PPP2R2B: variants seen among roughly 807,000 people sequenced by gnomAD.
PPP2R2B encodes the protein protein phosphatase 2 regulatory subunit Bbeta, also known as serine/threonine-protein phosphatase 2A 55 kDa regulatory subunit B beta isoform.
Under a neutral mutation model 46.0 loss-of-function variants are expected in PPP2R2B, and 5 were observed. The ratio of observed to expected loss-of-function variants is 0.11; its 90% CI spans 0.06 to 0.23. The LOEUF is 0.23. Ranked by LOEUF, PPP2R2B falls within the 10% of genes least tolerant of loss-of-function variation. The pLI is 1.00. For synonymous variants in PPP2R2B, 215 were observed against 206.7 expected (o/e 1.04, Z -0.34); for missense variants, 367 against 575.0 (o/e 0.64, Z 3.70).
At chr5:146,751,296 G>A (rs1753542898) in intron 2 of PPP2R2B, 1 of 152,228 alleles carries the variant, frequency 6.6e-6, no homozygotes, top group Non-Finnish European at 1.5e-5. Context: ...GCGGGGAAGA[G>A]GTCATAGAGT....
chr5:146,979,035 T>C (rs1049212565), intron 1 of PPP2R2B, among the ~76,000 whole-genome samples: 3 of 152,216 alleles, frequency 2.0e-5, no homozygotes, highest in Admixed American at 6.5e-5. Context: ...GAAAAGCTGA[T>C]GTATTTAAGA....
intron 2 of PPP2R2B, among the ~76,000 whole-genome samples, chr5:146,875,328 AT>A (rs1761834667): frequency 6.6e-6 from 1 of 152,188 alleles, no homozygotes; most frequent in Non-Finnish European, 1.5e-5. Flanking sequence ...CATGCTCAGA[AT>A]TAAAAAAAAG....
chr5:146,727,798 T>G (rs748321360), intron 2 of PPP2R2B, among the ~76,000 whole-genome samples: 3 of 152,160 alleles, frequency 2.0e-5, no homozygotes, highest in Admixed American at 2.0e-4. Context: ...TTCTTCTTCT[T>G]GTGTAATTGA....
At chr5:147,044,348 G>T (rs1580848894) in intron 1 of PPP2R2B, among the ~76,000 whole-genome samples, 2 of 152,134 alleles carry the variant, frequency 1.3e-5, no homozygotes, top group Non-Finnish European at 2.9e-5. Context: ...CAGGAATGTT[G>T]TGAGGGGGTT....
intron 5 of PPP2R2B, among the ~76,000 whole-genome samples, chr5:146,670,653 G>A (rs1025066591): frequency 1.3e-5 from 2 of 151,828 alleles, no homozygotes; most frequent in African/African-American, 4.8e-5. Flanking sequence ...GTGCCACCAG[G>A]CCTGGCTAAT....
rs1486842852 is a variant in PPP2R2B at position 146,588,155 on chromosome 5, C to T, written c.*1792G>A. On this transcript the variant is annotated 3_prime_UTR_variant, in exon 10 of 10. Coordinates refer to ENST00000394411, the MANE Select transcript of PPP2R2B (RefSeq NM_181675.4). ...TTTACTTGAGATGCCTAAGGCGAGG[C>T]TTTCCTTGCAGGAAAAATGAGAAAT... is the stretch of plus-strand genomic sequence containing the variant. The T allele has an allele frequency of 1.3e-5, 2 of 152,216 alleles. No homozygotes were observed. The highest frequency in any genetic ancestry group is 1.9e-4 in the East Asian group (1 of 5,200). 9.4% of individuals were successfully genotyped at this position (152,216 alleles called of 1,614,324 possible).
intron 2 of PPP2R2B, among the ~76,000 whole-genome samples, chr5:146,752,723 C>T (rs1012183604): frequency 3.9e-5 from 6 of 152,046 alleles, no homozygotes; most frequent in Admixed American, 3.9e-4. Context: ...TATTGATTAT[C>T]TGTGGCAGGC....
chr5:147,037,575 G>A (rs1756101547), intron 1 of PPP2R2B, among the ~76,000 whole-genome samples: 1 of 152,068 alleles, frequency 6.6e-6, no homozygotes, highest in Non-Finnish European at 1.5e-5. Context: ...GGGTGTATGT[G>A]TGTGTAAAAG....
Position 146,589,797 on chromosome 5 carries a change from G to T in PPP2R2B, c.*150C>A. 1.2e-6 allele frequency: 1 copy of T among 835,058 alleles called. No homozygotes were observed. The highest frequency in any genetic ancestry group is 1.9e-6 in the Non-Finnish European group (1 of 539,828). 51.7% of individuals were successfully genotyped at this position (835,058 alleles called of 1,614,324 possible). ...AAAAGTTTCTTAGAACTGGGGAGCT[G>T]GGAATGTTGGACTCCTTTTAATTCT... On this transcript the variant is annotated 3_prime_UTR_variant, in exon 10 of 10. Transcript: ENST00000394411.
intron 2 of PPP2R2B, among the ~76,000 whole-genome samples, chr5:146,828,248 C>A (rs1432084317): frequency 6.9e-6 from 1 of 145,648 alleles, no homozygotes; most frequent in Non-Finnish European, 1.5e-5. Context: ...TAAAATATTA[C>A]TTTTACTTTT....
intron 1 of PPP2R2B, among the ~76,000 whole-genome samples, chr5:146,987,894 A>G (rs955143883): frequency 2.0e-5 from 3 of 152,032 alleles, no homozygotes; most frequent in Non-Finnish European, 4.4e-5. Context: ...ACTTATAAAG[A>G]CATGCATAGA....
chr5:146,910,493 A>G (rs1158183381), intron 1 of PPP2R2B, among the ~76,000 whole-genome samples: 1 of 152,216 alleles, frequency 6.6e-6, no homozygotes, highest in East Asian at 1.9e-4. Context: ...ATTTTGTGCC[A>G]TATGATTGTT....
At chr5:146,843,863 G>T (rs1582248554) in intron 2 of PPP2R2B, among the ~76,000 whole-genome samples, 2 of 151,732 alleles carry the variant, frequency 1.3e-5, no homozygotes, top group African/African-American at 2.4e-5. Flanking sequence ...TTGGACATTT[G>T]GGTTGGTTCC....
intron 2 of PPP2R2B, among the ~76,000 whole-genome samples, chr5:146,714,477 A>C (rs1288582123): frequency 6.6e-6 from 1 of 152,176 alleles, no homozygotes; most frequent in Non-Finnish European, 1.5e-5. Context: ...CAGCATGTTT[A>C]TATGCTGGTG....
chr5:146,700,894 G>A, intron 3 of PPP2R2B, 151 bp downstream of exon 3: 2 of 712,730 alleles, frequency 2.8e-6, no homozygotes, highest in Middle Eastern at 2.7e-4. Flanking sequence ...GAGTCTGAAT[G>A]TATAACAGTT....
At position 146,590,182 on chromosome 5, in the gene PPP2R2B, T is replaced by C; in HGVS notation, c.1097A>G (p.Asp366Gly). Residue 366 changes from aspartate to glycine, a missense_variant, in exon 10 of 10, where the codon GAC becomes GGC. Physicochemically the swap from Asp to Gly is moderately conservative, Grantham distance 94. Transcript: ENST00000394411. ...GGTCACATCACGCTTGGTGTTTCTG[T>C]CGAACATCCTGAAGAAGTTGTTGTA... ...GSYNNFFRMF[D>G]RNTKRDVTLE... 1.2e-6 allele frequency: 2 copies of C among 1,613,782 alleles called. No individual in the cohort carries two copies. Among genetic ancestry groups the C allele is most frequent in the Non-Finnish European group, 1.7e-6 (2 of 1,179,990 alleles).
chr5:146,587,712 G>A lies in PPP2R2B; in HGVS notation c.*2235C>T, dbSNP rs1332611608. 1 of 152,176 alleles carries A rather than the reference G, an allele frequency of 6.6e-6. No homozygotes were observed. The highest frequency in any genetic ancestry group is 1.5e-5 in the Non-Finnish European group (1 of 68,032). 9.4% of individuals were successfully genotyped at this position (152,176 alleles called of 1,614,324 possible). A position where few individuals can be genotyped will look rare whatever the true frequency, so the allele number is the denominator to read the frequency against. On this transcript the variant is annotated 3_prime_UTR_variant, in exon 10 of 10. Coordinates refer to ENST00000394411, the MANE Select transcript of PPP2R2B (RefSeq NM_181675.4). ...CAAAATGATTTCAGGTGGTATGTGGGTGCATGTTTGTTACATTGATAATTA... is the reference window on the plus strand; with the variant it reads ...CAAAATGATTTCAGGTGGTATGTGGATGCATGTTTGTTACATTGATAATTA...
chr5:146,731,584 G>T (rs1268873517), intron 2 of PPP2R2B, among the ~76,000 whole-genome samples: 1 of 152,050 alleles, frequency 6.6e-6, no homozygotes, highest in Admixed American at 6.6e-5. Context: ...TGGATCTGAG[G>T]GTCAAAGCAC....
chr5:146,912,749 C>T (rs1038022849), intron 1 of PPP2R2B, among the ~76,000 whole-genome samples: 4 of 151,934 alleles, frequency 2.6e-5, no homozygotes, highest in East Asian at 1.9e-4. Context: ...CCTTGTGATC[C>T]GCTCGCTTCG....
Sources: gnomAD v4.1 joint callset for allele counts (sites outside exome capture counted in the v4.1 genomes callset) on GRCh38, gnomAD v4.1.1 for gene constraint, MANE v1.5 for transcripts, NCBI Gene and HGNC (gene_info 2026-07-23, HGNC 2026-07-21) for gene names.